Variants in STXBP5L observed in about 807,000 individuals in gnomAD.
STXBP5L encodes the protein syntaxin-binding protein 5-like.
Under a neutral mutation model 144.5 loss-of-function variants are expected in STXBP5L, and 65 were observed. The ratio of observed to expected loss-of-function variants is 0.45; its 90% CI spans 0.37 to 0.55. STXBP5L has a LOEUF of 0.55. Ranked by LOEUF, STXBP5L falls within the 20% of genes least tolerant of loss-of-function variation. The pLI is 0.00. For missense variants in STXBP5L, 1,298 were observed against 1,405.5 expected, an observed-to-expected ratio of 0.92 and a Z score of 1.22; for synonymous variants, 505 against 469.6, an observed-to-expected ratio of 1.08 and a Z score of -0.97.
intron 20 of STXBP5L, among the ~76,000 whole-genome samples, chr3:121,320,981 G>A (rs1440711995): frequency 2.0e-5 from 3 of 152,200 alleles, no homozygotes; most frequent in African/African-American, 7.2e-5. Context: ...TTACAGGCGT[G>A]AGCCACCGTG....
At chr3:121,221,522 G>A (rs890226344) in intron 10 of STXBP5L, among the ~76,000 whole-genome samples, 3 of 151,202 alleles carry the variant, frequency 2.0e-5, no homozygotes, top group Non-Finnish European at 3.0e-5. Flanking sequence ...CTCTTAAGTC[G>A]TGGCCTTTTT....
At chr3:121,205,501 A>G (rs1409740769) in intron 9 of STXBP5L, among the ~76,000 whole-genome samples, 1 of 152,204 alleles carries the variant, frequency 6.6e-6, no homozygotes, top group Admixed American at 6.6e-5. Flanking sequence ...TTGGGGATTA[A>G]GTTTCCAACA....
chr3:121,390,528 G>T (rs189484769), intron 22 of STXBP5L, among the ~76,000 whole-genome samples: 42 of 152,304 alleles, frequency 2.8e-4, no homozygotes, highest in Non-Finnish European at 5.3e-4. Flanking sequence ...GCTGGTACCG[G>T]TTGTTTCTTT....
At chr3:121,146,939 T>C (rs1368158030) in intron 7 of STXBP5L, among the ~76,000 whole-genome samples, 1 of 152,056 alleles carries the variant, frequency 6.6e-6, no homozygotes, top group Non-Finnish European at 1.5e-5. Context: ...TATAATTTGA[T>C]AGAACTAAAA....
At chr3:120,948,873 G>A (rs1328258240) in intron 2 of STXBP5L, among the ~76,000 whole-genome samples, 1 of 151,866 alleles carries the variant, frequency 6.6e-6, no homozygotes, top group Non-Finnish European at 1.5e-5. Flanking sequence ...GCATGCCTGT[G>A]CATGTGTCTT....
intron 3 of STXBP5L, among the ~76,000 whole-genome samples, chr3:121,023,332 CAAATTCAAT>C (rs754561225): frequency 2.6e-5 from 4 of 152,094 alleles, no homozygotes; most frequent in Non-Finnish European, 5.9e-5. Context: ...AAGCAATCTA[CAAATTCAAT>C]GCAATTATCA....
intron 20 of STXBP5L, among the ~76,000 whole-genome samples, chr3:121,328,112 T>C (rs1202256812): frequency 6.6e-6 from 1 of 152,258 alleles, no homozygotes; most frequent in Non-Finnish European, 1.5e-5. Flanking sequence ...CTTTATCAAG[T>C]GTGCTGTTTA....
intron 2 of STXBP5L, among the ~76,000 whole-genome samples, chr3:120,936,792 A>G (rs1461488202): frequency 3.9e-5 from 6 of 151,980 alleles, no homozygotes; most frequent in Non-Finnish European, 7.4e-5. Flanking sequence ...TTGTATTTTT[A>G]GGCCTCCCAA....
At position 121,218,779 on chromosome 3, in the gene STXBP5L, T is replaced by C. The variant is rs568815424; in HGVS notation, c.957-4224T>C. On this transcript the variant is annotated intron_variant, in intron 10 of 26. Transcript: ENST00000471454. ...AGGCAGTGTAAAGTAATAATTAAAATCATTGGCTTTGAAGTAAGACAGTTG... is the reference window on the plus strand; with the variant it reads ...AGGCAGTGTAAAGTAATAATTAAAACCATTGGCTTTGAAGTAAGACAGTTG... 1.2e-4 allele frequency among the ~76,000 whole-genome samples: 18 copies of C among 152,276 alleles called. No homozygotes were observed. The South Asian group carries it at 3.5e-3, about 30-fold the overall frequency.
chr3:121,292,975 CCACTA>C (rs1559942650), intron 19 of STXBP5L, among the ~76,000 whole-genome samples: 1 of 152,036 alleles, frequency 6.6e-6, no homozygotes, highest in African/African-American at 2.4e-5. Flanking sequence ...TCAGGAATCA[CCACTA>C]CTTATCCATG....
At chr3:121,010,790 T>C (rs558687569) in intron 3 of STXBP5L, among the ~76,000 whole-genome samples, 1 of 151,952 alleles carries the variant, frequency 6.6e-6, no homozygotes, top group African/African-American at 2.4e-5. Flanking sequence ...AGAGAAAATA[T>C]ATTTATTCAT....
intron 3 of STXBP5L, among the ~76,000 whole-genome samples, chr3:120,979,200 C>T (rs1423551904): frequency 2.0e-5 from 3 of 152,300 alleles, no homozygotes; most frequent in South Asian, 4.1e-4. Flanking sequence ...TGGGCTTCCC[C>T]CAGTTGGAGC....
chr3:121,074,496 A>G (rs1042854702), intron 5 of STXBP5L, among the ~76,000 whole-genome samples: 1 of 152,138 alleles, frequency 6.6e-6, no homozygotes, highest in Non-Finnish European at 1.5e-5. Flanking sequence ...TTCTGCTGGG[A>G]TGGGATACTG....
chr3:121,093,775 G>A (rs1576930550), intron 5 of STXBP5L, among the ~76,000 whole-genome samples: 1 of 152,216 alleles, frequency 6.6e-6, no homozygotes, highest in African/African-American at 2.4e-5. Flanking sequence ...ATTTCCTTAA[G>A]TTCTGTTCTG....
intron 3 of STXBP5L, among the ~76,000 whole-genome samples, chr3:120,990,571 C>A (rs190177747): frequency 2.6e-5 from 4 of 152,066 alleles, no homozygotes; most frequent in African/African-American, 4.8e-5. Context: ...TACAAGGCTA[C>A]AGTAACCAAA....
intron 5 of STXBP5L, among the ~76,000 whole-genome samples, chr3:121,075,348 T>C (rs1284658258): frequency 6.6e-6 from 1 of 152,152 alleles, no homozygotes; most frequent in Non-Finnish European, 1.5e-5. Flanking sequence ...ACCATGACTG[T>C]GACCATGACC....
At chr3:121,390,249 C>T (rs547057247) in intron 22 of STXBP5L, among the ~76,000 whole-genome samples, 79 of 152,262 alleles carry the variant, frequency 5.2e-4, no homozygotes, top group Non-Finnish European at 8.1e-4. Flanking sequence ...GGTAGATCTT[C>T]CTCCATCCCT....
intron 3 of STXBP5L, among the ~76,000 whole-genome samples, chr3:121,005,324 C>T (rs555768595): frequency 1.6e-4 from 24 of 152,246 alleles, no homozygotes; most frequent in African/African-American, 5.5e-4. Context: ...TCTAGATTTT[C>T]TAGTTTATTT....
In STXBP5L at chr3:121,259,057, C is replaced by T. The variant is rs767571714; in HGVS notation, c.1847C>T (p.Pro616Leu). Residue 616 changes from proline (P) to leucine (L), a missense_variant, in exon 18 of 27, where the codon CCA (proline) becomes CTA (leucine). Transcript: ENST00000471454. ...TGTTCTTAAAGTGTGAAGACACGGCCAGTGCGAATGCCTCCAGGATATCAA... is the reference window on the plus strand; with the variant it reads ...TGTTCTTAAAGTGTGAAGACACGGCTAGTGCGAATGCCTCCAGGATATCAA... Reference protein sequence around the residue: ...SIPCLNVKTRPVRMPPGYQAE... With the variant: ...SIPCLNVKTRLVRMPPGYQAE... The T allele has an allele frequency of 1.9e-6, 3 of 1,600,988 alleles. No individual in the cohort carries two copies. Among genetic ancestry groups the T allele is most frequent in the South Asian group, 2.3e-5 (2 of 88,692 alleles).
Sources: allele counts gnomAD v4.1 joint callset (sites outside exome capture counted in the v4.1 genomes callset), GRCh38; gene constraint gnomAD v4.1.1; transcripts MANE v1.5; gene names NCBI Gene and HGNC (gene_info 2026-07-23, HGNC 2026-07-21).